Variants in ARFGEF1 observed in about 807,000 individuals in gnomAD.
ARFGEF1 encodes ARF guanine nucleotide exchange factor 1, also known as brefeldin A-inhibited guanine nucleotide-exchange protein 1.
A neutral mutation model predicts 231.0 loss-of-function variants in ARFGEF1; 42 were observed. That is an observed-to-expected ratio of 0.18 (90% confidence interval 0.14 to 0.24). ARFGEF1 has a LOEUF of 0.24. Ranked by LOEUF, ARFGEF1 falls within the 10% of genes least tolerant of loss-of-function variation. The pLI is 1.00. For missense variants in ARFGEF1, 1,345 were observed against 2,192.0 expected (o/e 0.61, Z 7.72); for synonymous variants, 710 against 732.3 (o/e 0.97, Z 0.49).
At chr8:67,302,890 C>T (rs1267743291) in intron 1 of ARFGEF1, among the ~76,000 whole-genome samples, 3 of 77,756 alleles carry the variant, frequency 3.9e-5, no homozygotes, top group Non-Finnish European at 7.5e-5. Flanking sequence ...GCCTGGGCAA[C>T]AAAGACCCCA....
chr8:67,332,657 G>A (rs1808151826), intron 1 of ARFGEF1, among the ~76,000 whole-genome samples: 1 of 152,078 alleles, frequency 6.6e-6, no homozygotes, highest in African/African-American at 2.4e-5. Context: ...TCAGTATATG[G>A]CCCTTTTTCT....
At chr8:67,251,801 T>A (rs1840292952) in intron 18 of ARFGEF1, among the ~76,000 whole-genome samples, 1 of 152,148 alleles carries the variant, frequency 6.6e-6, no homozygotes, top group Non-Finnish European at 1.5e-5. Flanking sequence ...TGTTCATTTT[T>A]AAATGGCTAA....
At chr8:67,200,318 C>G in intron 38 of ARFGEF1, 78 bp downstream of exon 38, 1 of 1,011,344 alleles carries the variant, frequency 9.9e-7, no homozygotes, top group Non-Finnish European at 1.6e-6. Context: ...AGAGCTCTTG[C>G]ACGGCGGCTC....
At chr8:67,214,655 AG>A (rs1838864418) in intron 33 of ARFGEF1, among the ~76,000 whole-genome samples, 1 of 152,218 alleles carries the variant, frequency 6.6e-6, no homozygotes, top group Admixed American at 6.5e-5. Context: ...AGCAGAAGCC[AG>A]GAACATAACA....
intron 25 of ARFGEF1, 35 bp from the exon 26 acceptor site, chr8:67,227,633 A>T: frequency 6.3e-7 from 1 of 1,588,870 alleles, no homozygotes; most frequent in South Asian, 1.1e-5. Context: ...ATGCTAATTA[A>T]TATCAGCAGT....
At chr8:67,263,952 G>A (rs1416819942) in intron 14 of ARFGEF1, among the ~76,000 whole-genome samples, 1 of 151,876 alleles carries the variant, frequency 6.6e-6, no homozygotes, top group Non-Finnish European at 1.5e-5. Flanking sequence ...AAGAGAGGAA[G>A]AAGCCATACT....
At chr8:67,335,817 G>A (rs1808321216) in intron 1 of ARFGEF1, among the ~76,000 whole-genome samples, 1 of 151,818 alleles carries the variant, frequency 6.6e-6, no homozygotes. Flanking sequence ...CACAATCTTG[G>A]CTCACTGCAA....
intron 28 of ARFGEF1, 61 bp from the exon 29 acceptor site, chr8:67,225,094 T>TA (rs2128870677): frequency 7.2e-7 from 1 of 1,379,672 alleles, no homozygotes; most frequent in Non-Finnish European, 9.6e-7. Flanking sequence ...TTCAGTATAC[T>TA]AACTTCTCAA....
chr8:67,217,765 G>A lies in ARFGEF1; in HGVS notation c.4613+17C>T. 6.2e-7 allele frequency: 1 copy of A among 1,610,776 alleles called. No individual in the cohort carries two copies. The highest frequency in any genetic ancestry group is 1.3e-5 in the African/African-American group (1 of 74,842). On this transcript the variant is annotated intron_variant, in intron 32 of 38. Coordinates refer to ENST00000262215, the MANE Select transcript of ARFGEF1 (RefSeq NM_006421.5). ...AATATACAAATATAAATGTAAAGTT[G>A]TATAAAATCTTCTTACGCATGTGGG...
At chr8:67,277,061 C>T (rs956832709) in intron 8 of ARFGEF1, among the ~76,000 whole-genome samples, 1 of 151,662 alleles carries the variant, frequency 6.6e-6, no homozygotes, top group Admixed American at 6.6e-5. Flanking sequence ...ATAGATGAGA[C>T]CTACCTTAAA....
Position 67,240,087 on chromosome 8 carries a change from T to C in ARFGEF1, c.2979+75A>G, listed in dbSNP as rs115340786. On this transcript the variant is annotated intron_variant, in intron 20 of 38. Coordinates refer to ENST00000262215, the MANE Select transcript of ARFGEF1 (RefSeq NM_006421.5). ...TTTTAATGTCACACATAAACAATTA[T>C]TGTAATTTAAACTATTGTAATGGCA... The C allele has an allele frequency of 3.8e-4, 593 of 1,542,650 alleles. 3 individuals carry two copies. In the African/African-American group the frequency reaches 6.6e-3, roughly 17 times the overall value.
chr8:67,196,473 T>G (rs916953326), downstream of ARFGEF1, among the ~76,000 whole-genome samples: 1 of 152,196 alleles, frequency 6.6e-6, no homozygotes, highest in Non-Finnish European at 1.5e-5. Context: ...ACATTCTGAC[T>G]CAGATTAGAA....
intron 1 of ARFGEF1, among the ~76,000 whole-genome samples, chr8:67,303,092 C>T (rs546943210): frequency 6.6e-6 from 1 of 151,626 alleles, no homozygotes; most frequent in East Asian, 1.9e-4. Flanking sequence ...AGAACAAGAC[C>T]CTGTCCTCCC....
intron 5 of ARFGEF1, among the ~76,000 whole-genome samples, chr8:67,184,697 C>T (rs1308230096): frequency 6.6e-6 from 1 of 151,030 alleles, no homozygotes; most frequent in East Asian, 1.9e-4. Flanking sequence ...GCACTCCAGC[C>T]TGCATGACAG....
chr8:67,216,488 A>G lies in ARFGEF1; in HGVS notation c.4686+102T>C, dbSNP rs1030420463. 2.6e-5 allele frequency: 27 copies of G among 1,045,200 alleles called. No individual in the cohort carries two copies. The Admixed American group carries it at 8.4e-4, about 33-fold the overall frequency. The allele number at this position is 1,045,200 out of a possible 1,614,324, so 64.7% of individuals were successfully genotyped here. On this transcript the variant is annotated intron_variant, in intron 33 of 38. Transcript: ENST00000262215. ...ATCCAGTCTCAGATATTTTTTTAAT[A>G]GCAGGAATGGATTAAGACAATTACA...
chr8:67,190,598 G>C (rs1005254747), intron 5 of ARFGEF1: 1 of 1,358,664 alleles, frequency 7.4e-7, no homozygotes, highest in Non-Finnish European at 1.1e-6. Flanking sequence ...TTAGCTCTGG[G>C]TAAGATTTGA....
At chr8:67,302,517 A>G in intron 1 of ARFGEF1, 51 bp from the exon 2 acceptor site, 2 of 1,354,108 alleles carry the variant, frequency 1.5e-6, no homozygotes, top group Non-Finnish European at 2.0e-6. Flanking sequence ...CAGCAGAAAG[A>G]CTGAGTAATT....
At chr8:67,206,570 G>A (rs1050637247) in intron 34 of ARFGEF1, among the ~76,000 whole-genome samples, 2 of 152,156 alleles carry the variant, frequency 1.3e-5, no homozygotes, top group Admixed American at 6.6e-5. Flanking sequence ...GTTTCTGATA[G>A]TCCGCCGGCC....
At chr8:67,193,045 C>T (rs977268004), downstream of ARFGEF1, among the ~76,000 whole-genome samples, 3 of 152,178 alleles carry the variant, frequency 2.0e-5, no homozygotes, top group East Asian at 1.9e-4. Context: ...CCATAATATA[C>T]GTGCTCTATA....
Sources: gnomAD v4.1 joint callset for allele counts (sites outside exome capture counted in the v4.1 genomes callset) on GRCh38, gnomAD v4.1.1 for gene constraint, MANE v1.5 for transcripts, NCBI Gene and HGNC (gene_info 2026-07-23, HGNC 2026-07-21) for gene names.